Variants in ZBTB16 observed in about 807,000 individuals in gnomAD.
ZBTB16 encodes zinc finger and BTB domain containing 16.
ZBTB16 carries 8 observed loss-of-function variants against 56.8 expected under a neutral mutation model. The observed-to-expected ratio is 0.14, with a 90% CI of 0.08 to 0.25. The LOEUF (loss-of-function observed/expected upper bound fraction) is 0.25, where lower values mean the gene tolerates loss of function less well. Among genes scored for constraint, ZBTB16 ranks in the 10% least tolerant of loss-of-function variants. The probability of loss-of-function intolerance (pLI) is 1.00; values close to 1 mark genes in which losing one functional copy is unlikely to be tolerated. For missense variants in ZBTB16, 625 were observed against 903.0 expected (o/e 0.69, Z 3.95); for synonymous variants, 363 against 368.5 (o/e 0.98, Z 0.17).
intron 3 of ZBTB16, among the ~76,000 whole-genome samples, chr11:114,173,324 C>T (rs571042066): frequency 4.6e-5 from 7 of 152,158 alleles, no homozygotes; most frequent in East Asian, 1.9e-4. Flanking sequence ...CTGGCAGCAT[C>T]GAGGTGCCAC....
At chr11:114,217,180 C>A (rs1714480495) in intron 4 of ZBTB16, among the ~76,000 whole-genome samples, 1 of 152,202 alleles carries the variant, frequency 6.6e-6, no homozygotes, top group Admixed American at 6.5e-5. Context: ...GAGGCATAGG[C>A]AAGCCCAGGC....
intron 2 of ZBTB16, among the ~76,000 whole-genome samples, chr11:114,112,438 G>A (rs948820590): frequency 1.3e-5 from 2 of 152,288 alleles, no homozygotes; most frequent in Admixed American, 6.5e-5. Flanking sequence ...AGCAAGGGAG[G>A]GATAGAGAGG....
At chr11:114,153,258 C>T (rs1020821764) in intron 2 of ZBTB16, among the ~76,000 whole-genome samples, 1 of 152,180 alleles carries the variant, frequency 6.6e-6, no homozygotes, top group Non-Finnish European at 1.5e-5. Flanking sequence ...TGTTGAACTC[C>T]CAGGCCTGTG....
intron 2 of ZBTB16, among the ~76,000 whole-genome samples, chr11:114,095,373 G>T (rs1414099161): frequency 1.4e-5 from 2 of 146,496 alleles, no homozygotes; most frequent in Non-Finnish European, 3.0e-5. Flanking sequence ...CGACTATCCT[G>T]CCTCAGCCTC....
rs1215077736 is a variant in ZBTB16, at chr11:114,064,625, C to G, written c.1268+57C>G. On this transcript the variant is annotated intron_variant, in intron 2 of 6. Coordinates refer to ENST00000335953, the MANE Select transcript of ZBTB16 (RefSeq NM_006006.6). This position sits in a 1 kb window ranked among gnomAD's most constrained non-coding sequence, Gnocchi z 4.2. ...AGGACTTGAGGCCCTCACACCCCTC[C>G]TTCACACCCTGGCTGCTCCCAAGTT... The G allele has an allele frequency of 2.5e-6, 4 of 1,596,776 alleles. No homozygotes were observed. Among genetic ancestry groups the G allele is most frequent in the Middle Eastern group, 2.0e-4 (1 of 4,888 alleles).
intron 2 of ZBTB16, among the ~76,000 whole-genome samples, chr11:114,134,190 C>T (rs1941740413): frequency 6.6e-6 from 1 of 152,164 alleles, no homozygotes; most frequent in Non-Finnish European, 1.5e-5. Flanking sequence ...ATTGCATTTG[C>T]CTTCTGCTCT....
chr11:114,074,941 G>T (rs1196895767), intron 2 of ZBTB16, among the ~76,000 whole-genome samples: 2 of 152,096 alleles, frequency 1.3e-5, no homozygotes, highest in Non-Finnish European at 2.9e-5. Flanking sequence ...TGCAGTGAGG[G>T]CGACTTAACC....
At chr11:114,169,076 A>G (rs1217626386) in intron 3 of ZBTB16, among the ~76,000 whole-genome samples, 1 of 151,946 alleles carries the variant, frequency 6.6e-6, no homozygotes, top group Admixed American at 6.5e-5. Flanking sequence ...CCTTTGCACT[A>G]TCCTGCCAAG....
chr11:114,075,368 C>T (rs1049514007), intron 2 of ZBTB16, among the ~76,000 whole-genome samples: 9 of 152,078 alleles, frequency 5.9e-5, no homozygotes, highest in African/African-American at 2.2e-4. Flanking sequence ...GAATACATGG[C>T]CCAGCGTCCG....
rs1942665199 is a variant in ZBTB16, at chr11:114,163,802, C to T, written c.1366+7368C>T. Among the ~76,000 whole-genome samples, 4 of 152,310 alleles carry T rather than the reference C, an allele frequency of 2.6e-5. No homozygotes were observed. The South Asian group carries it at 8.3e-4, about 32-fold the overall frequency. On this transcript the variant is annotated intron_variant, in intron 3 of 6. Coordinates refer to ENST00000335953, the MANE Select transcript of ZBTB16 (RefSeq NM_006006.6). The stretch of plus-strand genomic sequence containing the variant: ...CTCTGGATCCCAGCATCTCCTCCCA[C>T]CCCGCAAATCCCCCATCCCAATTTA...
intron 4 of ZBTB16, among the ~76,000 whole-genome samples, chr11:114,206,730 ATAAG>A (rs1170347523): frequency 6.6e-6 from 1 of 152,270 alleles, no homozygotes; most frequent in Non-Finnish European, 1.5e-5. Flanking sequence ...ATCTAAAAAG[ATAAG>A]TAATAAAACA....
In ZBTB16 at chr11:114,252,936, G is replaced by T. The variant is rs887122275; in HGVS notation, c.*2381G>T. Among the ~76,000 whole-genome samples the T allele has an allele frequency of 1.3e-5, 2 of 152,158 alleles. No individual in the cohort carries two copies. The highest frequency in any genetic ancestry group is 2.9e-5 in the Non-Finnish European group (2 of 68,032). ...GGTAAAGTAGGGAGGATGCTATTTT[G>T]CAACTATAGTAACGACTTAGTGTTT... On this transcript the variant is annotated 3_prime_UTR_variant, in exon 7 of 7. Transcript: ENST00000335953.
At chr11:114,209,555 A>G in intron 4 of ZBTB16, 2 of 985,438 alleles carry the variant, frequency 2.0e-6, no homozygotes, top group Non-Finnish European at 1.2e-6. Flanking sequence ...TCTGGGAAGC[A>G]GCAGGTTGTT....
chr11:114,085,394 T>A (rs1328833070), intron 2 of ZBTB16, among the ~76,000 whole-genome samples: 3 of 152,224 alleles, frequency 2.0e-5, no homozygotes, highest in African/African-American at 7.2e-5. Flanking sequence ...TGAGCATCAC[T>A]GTGTACTAGG....
At chr11:114,103,594 G>A (rs1480431285) in intron 2 of ZBTB16, among the ~76,000 whole-genome samples, 1 of 151,740 alleles carries the variant, frequency 6.6e-6, no homozygotes, top group Non-Finnish European at 1.5e-5. Context: ...CTATCTCTCG[G>A]GGGATTAACT....
intron 2 of ZBTB16, among the ~76,000 whole-genome samples, chr11:114,073,029 C>T (rs1018248279): frequency 6.9e-6 from 1 of 145,428 alleles, no homozygotes; most frequent in Non-Finnish European, 1.5e-5. Context: ...ACACTCCAGC[C>T]TGGGCAAAGG....
In ZBTB16 at chr11:114,109,648, G is replaced by A. The variant is rs909856302; in HGVS notation, c.1268+45080G>A. On this transcript the variant is annotated intron_variant, in intron 2 of 6. Coordinates refer to ENST00000335953, the MANE Select transcript of ZBTB16 (RefSeq NM_006006.6). ...TCTTAATCAAATAGAAATGGTTTGA[G>A]GGATGAGCAACTTGGGGGTGGGGGA... 9.9e-5 allele frequency among the ~76,000 whole-genome samples: 15 copies of A among 152,012 alleles called. No homozygotes were observed. In the East Asian group the frequency reaches 2.9e-3, roughly 29 times the overall value.
At chr11:114,082,117 A>C (rs1485141233) in intron 2 of ZBTB16, among the ~76,000 whole-genome samples, 5 of 113,270 alleles carry the variant, frequency 4.4e-5, no homozygotes, top group East Asian at 4.8e-4. Flanking sequence ...CGATCTTTAC[A>C]AAAAAAAAAA....
chr11:114,193,502 C>T (rs1162513607), intron 4 of ZBTB16, among the ~76,000 whole-genome samples: 1 of 152,184 alleles, frequency 6.6e-6, no homozygotes, highest in Non-Finnish European at 1.5e-5. Context: ...CATGGTGACT[C>T]TTTCCGACAT....
Sources: gnomAD v4.1 joint callset for allele counts (sites outside exome capture counted in the v4.1 genomes callset) on GRCh38, gnomAD v4.1.1 for gene constraint, Gnocchi (gnomAD v3.1) non-coding constraint, MANE v1.5 for transcripts, NCBI Gene and HGNC (gene_info 2026-07-23, HGNC 2026-07-21) for gene names.